Variants in RASGEF1A observed in about 807,000 individuals in gnomAD.
The protein encoded by RASGEF1A is RasGEF domain family member 1A, also known as ras-GEF domain-containing family member 1A.
In RASGEF1A, 18 loss-of-function variants were observed where a neutral mutation model predicts 56.4. The ratio of observed to expected loss-of-function variants is 0.32; its 90% CI spans 0.22 to 0.47. The LOEUF is 0.47. Among genes scored for constraint, RASGEF1A ranks in the 20% least tolerant of loss-of-function variants. RASGEF1A has a pLI of 1.00. For missense variants in RASGEF1A, 422 were observed against 627.1 expected (o/e 0.67, Z 3.49); for synonymous variants, 245 against 242.6 (o/e 1.01, Z -0.09).
At chr10:43,259,299 C>T (rs1459826943) in intron 1 of RASGEF1A, among the ~76,000 whole-genome samples, 2 of 152,176 alleles carry the variant, frequency 1.3e-5, no homozygotes, top group East Asian at 3.8e-4. Flanking sequence ...AGCCTCTTTT[C>T]TGGGGGTAGT....
chr10:43,207,725 C>T, intron 1 of RASGEF1A: 5 of 984,368 alleles, frequency 5.1e-6, no homozygotes, highest in Non-Finnish European at 6.0e-6. Flanking sequence ...TTAGAATGCA[C>T]ATTCTCAGGC....
chr10:43,263,528 C>T (rs568073961), intron 1 of RASGEF1A, among the ~76,000 whole-genome samples: 22 of 152,318 alleles, frequency 1.4e-4, no homozygotes, highest in Admixed American at 1.1e-3. Context: ...GCTGTTCTGT[C>T]TAGAGTCCCA....
chr10:43,199,250 G>T, intron 7 of RASGEF1A, 56 bp from the exon 8 acceptor site: 1 of 1,383,380 alleles, frequency 7.2e-7, no homozygotes, highest in South Asian at 1.2e-5. Flanking sequence ...CAGGAGCTGG[G>T]GCCGCCGGGC....
intron 1 of RASGEF1A, chr10:43,209,136 G>T: frequency 1.0e-6 from 1 of 985,476 alleles, no homozygotes; most frequent in Non-Finnish European, 1.2e-6. Context: ...TCCCAAGGAA[G>T]AATTGCACAC....
In RASGEF1A at chr10:43,203,437, G is replaced by A. The variant is rs758799167; in HGVS notation, c.199-17C>T. ...GTACGTCCTCTGAAGGCAGGAGACGGAGAGAGGGCGGAGGGAGGGTGAGGC... is the reference window on the plus strand; with the variant it reads ...GTACGTCCTCTGAAGGCAGGAGACGAAGAGAGGGCGGAGGGAGGGTGAGGC... On this transcript the variant is annotated splice_polypyrimidine_tract_variant and intron_variant, in intron 2 of 12. Transcript: ENST00000395810. 2 of 1,521,440 alleles carry A rather than the reference G, an allele frequency of 1.3e-6. No homozygotes were observed. The highest frequency in any genetic ancestry group is 1.8e-6 in the Non-Finnish European group (2 of 1,128,244). The allele number at this position is 1,521,440 out of a possible 1,614,324, so 94.2% of individuals were successfully genotyped here.
rs571433329 is a variant in RASGEF1A at position 43,200,824 on chromosome 10, G to A, written c.524C>T (p.Ala175Val). Reference sequence around the variant, plus strand: ...TCGCAGTTCCTGGAGCTGGCTCCGGGCAGCCAAGGACAGCAACAGGCTCTG... The same window carrying A: ...TCGCAGTTCCTGGAGCTGGCTCCGGACAGCCAAGGACAGCAACAGGCTCTG... Reference protein sequence around the residue: ...MTQSLLLSLAARSQLQELREK... With the variant: ...MTQSLLLSLAVRSQLQELREK... The change falls in exon 5 of 13, where the codon GCC becomes GTC. Residue 175 changes from alanine to valine, a missense_variant. Ala to Val is a moderately conservative substitution (Grantham distance 64). Transcript: ENST00000395810. The A allele has an allele frequency of 7.4e-6, 12 of 1,613,960 alleles. No individual in the cohort carries two copies. Among genetic ancestry groups the A allele is most frequent in the Non-Finnish European group, 1.0e-5 (12 of 1,180,026 alleles).
intron 2 of RASGEF1A, among the ~76,000 whole-genome samples, chr10:43,204,878 C>T (rs539686621): frequency 6.6e-6 from 1 of 152,342 alleles, no homozygotes; most frequent in African/African-American, 2.4e-5. Context: ...TACCTCAGGG[C>T]CTTGGGCCCC....
intron 1 of RASGEF1A, among the ~76,000 whole-genome samples, chr10:43,249,405 T>A (rs942777557): frequency 2.6e-5 from 4 of 152,220 alleles, no homozygotes; most frequent in African/African-American, 9.6e-5. Flanking sequence ...CATGCTCTTC[T>A]GAGTCACGGT....
At position 43,226,690 on chromosome 10, in the gene RASGEF1A, C is replaced by T. The variant is rs111655680; in HGVS notation, c.-6-20568G>A. ...CCAGCTCTGACCCCTGACCTCCTGGCTGACCTCAGGCAAGACACAGCCCCT... is the reference window on the plus strand; with the variant it reads ...CCAGCTCTGACCCCTGACCTCCTGGTTGACCTCAGGCAAGACACAGCCCCT... On this transcript the variant is annotated intron_variant, in intron 1 of 12. Coordinates refer to ENST00000395810, the MANE Select transcript of RASGEF1A (RefSeq NM_145313.4). Among the ~76,000 whole-genome samples, 757 of 152,330 alleles carry T rather than the reference C, an allele frequency of 5.0e-3. 4 individuals carry two copies. The highest frequency in any genetic ancestry group is 0.017 in the African/African-American group (706 of 41,564).
Position 43,255,132 on chromosome 10 carries a change from C to G in RASGEF1A, c.-7+11713G>C, listed in dbSNP as rs546899855. On this transcript the variant is annotated intron_variant, in intron 1 of 12. Coordinates refer to ENST00000395810, the MANE Select transcript of RASGEF1A (RefSeq NM_145313.4). ...AGCCCCACCAGCCCAGCCCCTCCAG[C>G]CGGTGTCGGGCTTGGCTGCAGTGGG... 7.9e-5 allele frequency among the ~76,000 whole-genome samples: 12 copies of G among 152,320 alleles called. No homozygotes were observed. In the East Asian group the frequency reaches 2.3e-3, roughly 29 times the overall value.
At chr10:43,245,805 C>T (rs1222329949) in intron 1 of RASGEF1A, among the ~76,000 whole-genome samples, 1 of 152,160 alleles carries the variant, frequency 6.6e-6, no homozygotes, top group Non-Finnish European at 1.5e-5. Context: ...CAGAACATCA[C>T]AGTTAATTGT....
intron 1 of RASGEF1A, among the ~76,000 whole-genome samples, chr10:43,217,715 C>T (rs975467167): frequency 6.6e-6 from 1 of 152,236 alleles, no homozygotes; most frequent in African/African-American, 2.4e-5. Flanking sequence ...AGGTTGGCCC[C>T]AGGCCTGCCC....
At chr10:43,257,765 T>C (rs1026747427) in intron 1 of RASGEF1A, among the ~76,000 whole-genome samples, 9 of 152,182 alleles carry the variant, frequency 5.9e-5, no homozygotes, top group African/African-American at 1.9e-4. Context: ...TCACATGTGC[T>C]GTATAATGTC....
rs917066581 is a variant in RASGEF1A, at chr10:43,229,687, G to C, written c.-6-23565C>G. 23 of 1,454,200 alleles carry C rather than the reference G, an allele frequency of 1.6e-5. No homozygotes were observed. The Admixed American group carries it at 5.2e-4, about 33-fold the overall frequency. 90.1% of individuals were successfully genotyped at this position (1,454,200 alleles called of 1,614,324 possible). On this transcript the variant is annotated intron_variant, in intron 1 of 12. Transcript: ENST00000395810. ...GCCGGCTCCCCGCGCCGTCCTGCCC[G>C]GTCCGGCGTCCAGCGAGCGGCGGCT...
intron 1 of RASGEF1A, among the ~76,000 whole-genome samples, chr10:43,232,515 C>CT (rs1382950413): frequency 1.5e-5 from 2 of 129,668 alleles, no homozygotes; most frequent in Non-Finnish European, 3.1e-5. Flanking sequence ...GAGATGGAGT[C>CT]TCCCTCTATC....
At chr10:43,216,076 C>T (rs1840133010) in intron 1 of RASGEF1A, among the ~76,000 whole-genome samples, 1 of 152,222 alleles carries the variant, frequency 6.6e-6, no homozygotes, top group African/African-American at 2.4e-5. Flanking sequence ...CATGCACTGA[C>T]TGATGATGTG....
chr10:43,203,563 T>C, intron 2 of RASGEF1A, 143 bp from the exon 3 acceptor site: 1 of 1,354,548 alleles, frequency 7.4e-7, no homozygotes, highest in Non-Finnish European at 9.7e-7. Context: ...CCGGTTCCCT[T>C]CGCCTTGCAG....
At chr10:43,214,414 G>T (rs1357545377) in intron 1 of RASGEF1A, among the ~76,000 whole-genome samples, 1 of 152,222 alleles carries the variant, frequency 6.6e-6, no homozygotes, top group Non-Finnish European at 1.5e-5. Flanking sequence ...AGGGAAGGGG[G>T]ACGCAGGGGT....
intron 1 of RASGEF1A, among the ~76,000 whole-genome samples, chr10:43,255,621 T>A (rs950973023): frequency 3.3e-5 from 5 of 152,222 alleles, no homozygotes; most frequent in Non-Finnish European, 7.3e-5. Context: ...CACTGGCATT[T>A]CATAGCAGCA....
Sources: gnomAD v4.1 joint callset for allele counts (sites outside exome capture counted in the v4.1 genomes callset) on GRCh38, gnomAD v4.1.1 for gene constraint, MANE v1.5 for transcripts, NCBI Gene and HGNC (gene_info 2026-07-23, HGNC 2026-07-21) for gene names.